Variants in GRIN2B observed in about 807,000 individuals in gnomAD.
The protein encoded by GRIN2B is glutamate ionotropic receptor NMDA type subunit 2B.
GRIN2B carries 5 observed loss-of-function variants against 114.5 expected under a neutral mutation model. That is an observed-to-expected ratio of 0.04 (90% CI 0.02 to 0.09). The LOEUF is 0.09. Among genes scored for constraint, GRIN2B ranks in the 10% least tolerant of loss-of-function variants. The pLI, the probability that GRIN2B is intolerant of heterozygous loss-of-function variation, is 1.00. For synonymous variants in GRIN2B, 787 were observed against 745.1 expected, an observed-to-expected ratio of 1.06 and a Z score of -0.92; for missense variants, 1,108 against 1,943.5, an observed-to-expected ratio of 0.57 and a Z score of 8.08.
At chr12:13,737,281 G>A (rs765467018) in intron 4 of GRIN2B, among the ~76,000 whole-genome samples, 10 of 150,754 alleles carry the variant, frequency 6.6e-5, no homozygotes, top group Non-Finnish European at 1.3e-4. Context: ...GCGCTATCTC[G>A]GCTCACTGCA....
rs367789458 is a variant in GRIN2B at position 13,963,302 on chromosome 12, G to A, written c.-19+16626C>T. Reference sequence around the variant, plus strand: ...TTTCCTGAGGCTCTCCTAGGCACTCGGTTTCATACACTTTACTCCATCTCC... The same window carrying A: ...TTTCCTGAGGCTCTCCTAGGCACTCAGTTTCATACACTTTACTCCATCTCC... On this transcript the variant is annotated intron_variant, in intron 2 of 13. Transcript: ENST00000609686. Among the ~76,000 whole-genome samples the A allele has an allele frequency of 4.6e-5, 7 of 152,168 alleles. No homozygotes were observed. In the East Asian group the frequency reaches 5.8e-4, roughly 13 times the overall value.
At chr12:13,777,014 T>A (rs1031271073) in intron 3 of GRIN2B, among the ~76,000 whole-genome samples, 1 of 151,980 alleles carries the variant, frequency 6.6e-6, no homozygotes, top group Non-Finnish European at 1.5e-5. Context: ...CACTAATGGG[T>A]GTCCCTAAGG....
At chr12:13,684,570 G>T (rs931142173) in intron 4 of GRIN2B, among the ~76,000 whole-genome samples, 1 of 152,174 alleles carries the variant, frequency 6.6e-6, no homozygotes, top group African/African-American at 2.4e-5. Flanking sequence ...GACAATGCTA[G>T]AAAGGTAGAA....
chr12:13,605,092 G>GTTTTTGCCAGGGGCTCTT (rs1949220576), intron 10 of GRIN2B, among the ~76,000 whole-genome samples: 2 of 147,376 alleles, frequency 1.4e-5, no homozygotes, highest in African/African-American at 5.2e-5. Context: ...TTGTCTTAAT[G>GTTTTTGCCAGGGGCTCTT]ATGAACAACT....
intron 10 of GRIN2B, among the ~76,000 whole-genome samples, chr12:13,582,700 A>C (rs945224778): frequency 2.6e-5 from 4 of 151,888 alleles, no homozygotes; most frequent in Non-Finnish European, 5.9e-5. Flanking sequence ...TGCCTCTCTG[A>C]ACTCAACGTG....
chr12:13,580,950 TATG>T lies in GRIN2B; in HGVS notation c.2011-8989_2011-8987del, dbSNP rs1190287502. On this transcript the variant is annotated intron_variant, in intron 10 of 13. Coordinates refer to ENST00000609686, the MANE Select transcript of GRIN2B (RefSeq NM_000834.5). ...ACCTTTTGAGACTGGCTTTTTTACT[TATG>T]ATAATGCCTTTGAGATTCATCTCCA... 7.9e-5 allele frequency among the ~76,000 whole-genome samples: 12 copies of T among 152,354 alleles called. No homozygotes were observed. In the East Asian group the frequency reaches 2.1e-3, roughly 27 times the overall value.
intron 3 of GRIN2B, among the ~76,000 whole-genome samples, chr12:13,835,889 A>G (rs1865254105): frequency 2.0e-5 from 3 of 152,156 alleles, no homozygotes; most frequent in African/African-American, 7.2e-5. Context: ...ATGCCTTTAA[A>G]CATCATGTTA....
chr12:13,898,768 A>G (rs887770620), intron 2 of GRIN2B, among the ~76,000 whole-genome samples: 5 of 152,190 alleles, frequency 3.3e-5, no homozygotes, highest in African/African-American at 1.2e-4. Context: ...AAAATTAGCT[A>G]GGCGTGGCAG....
chr12:13,705,073 T>A (rs569196213), intron 4 of GRIN2B, among the ~76,000 whole-genome samples: 1 of 124,626 alleles, frequency 8.0e-6, no homozygotes, highest in African/African-American at 2.8e-5. Flanking sequence ...TCCATTCTTT[T>A]TTCCTTCCCC....
At chr12:13,593,425 A>C (rs1949033499) in intron 10 of GRIN2B, among the ~76,000 whole-genome samples, 1 of 152,206 alleles carries the variant, frequency 6.6e-6, no homozygotes, top group Non-Finnish European at 1.5e-5. Context: ...GACAAACCTG[A>C]CAAAAATCAA....
intron 2 of GRIN2B, among the ~76,000 whole-genome samples, chr12:13,869,903 C>T (rs190535097): frequency 6.6e-6 from 1 of 152,222 alleles, no homozygotes; most frequent in Admixed American, 6.5e-5. Flanking sequence ...ACCTACATAC[C>T]TGAAAGATTT....
intron 3 of GRIN2B, among the ~76,000 whole-genome samples, chr12:13,767,121 G>A (rs898021868): frequency 8.5e-5 from 13 of 152,170 alleles, no homozygotes; most frequent in Admixed American, 2.0e-4. Context: ...TTAGCCGGGC[G>A]TGGTGGCGGG....
chr12:13,933,370 G>C (rs539572864), intron 2 of GRIN2B, among the ~76,000 whole-genome samples: 2 of 152,102 alleles, frequency 1.3e-5, no homozygotes, highest in Non-Finnish European at 2.9e-5. Flanking sequence ...ATATATCTCC[G>C]TTTTGGTCAC....
At chr12:13,592,188 A>T (rs1157768646) in intron 10 of GRIN2B, among the ~76,000 whole-genome samples, 2 of 152,078 alleles carry the variant, frequency 1.3e-5, no homozygotes, top group Admixed American at 1.3e-4. Flanking sequence ...TGGGGTGTGG[A>T]GTCTTGATAA....
rs1555098069 is a variant in GRIN2B, at chr12:13,547,982, T to TATA, written c.*14800_*14801insTAT. ...GTGTATATATATATATATATATATATTTTTTTTTTTTTTCTGAAAGCTACA... is the reference window on the plus strand; with the variant it reads ...GTGTATATATATATATATATATATATATATTTTTTTTTTTTTCTGAAAGCTACA... On this transcript the variant is annotated 3_prime_UTR_variant, in exon 14 of 14. Coordinates refer to ENST00000609686, the MANE Select transcript of GRIN2B (RefSeq NM_000834.5). The TATA allele has an allele frequency of 0.01, 382 of 37,086 alleles. 8 individuals are homozygous for TATA. Among genetic ancestry groups the TATA allele is most frequent in the African/African-American group, 0.024 (361 of 15,172 alleles). 2.3% of individuals were successfully genotyped at this position (37,086 alleles called of 1,614,324 possible).
At chr12:13,788,941 C>T (rs220552) in intron 3 of GRIN2B, among the ~76,000 whole-genome samples, 146,518 of 152,220 alleles carry the variant, frequency 0.96, 70,800 homozygotes, top group East Asian at 1. Context: ...AATGGAGATA[C>T]AAAGCTCCGG....
At chr12:13,628,064 AAATATT>A (rs1398186998) in intron 5 of GRIN2B, among the ~76,000 whole-genome samples, 14 of 152,220 alleles carry the variant, frequency 9.2e-5, no homozygotes, top group Non-Finnish European at 5.9e-5. Context: ...TCTATGCCAC[AAATATT>A]AATATTATGT....
At chr12:13,641,017 C>T (rs1949709595) in intron 5 of GRIN2B, among the ~76,000 whole-genome samples, 1 of 151,928 alleles carries the variant, frequency 6.6e-6, no homozygotes, top group South Asian at 2.1e-4. Context: ...TTTTCCTTTC[C>T]AGAAAACATA....
At chr12:13,706,130 A>G (rs10845827) in intron 4 of GRIN2B, among the ~76,000 whole-genome samples, 63,652 of 151,894 alleles carry the variant, frequency 0.42, 13,777 homozygotes, top group Non-Finnish European at 0.48. Flanking sequence ...TCATCTAGCT[A>G]TGCCACCAAG....
Sources: allele counts gnomAD v4.1 joint callset (sites outside exome capture counted in the v4.1 genomes callset), GRCh38; gene constraint gnomAD v4.1.1; transcripts MANE v1.5; gene names NCBI Gene and HGNC (gene_info 2026-07-23, HGNC 2026-07-21).